ATM: variants seen among roughly 807,000 people sequenced by gnomAD.
The protein encoded by ATM is ATM serine/threonine kinase, also known as serine-protein kinase ATM.
In ATM, 308 loss-of-function variants were observed where a neutral mutation model predicts 387.0. The observed-to-expected ratio is 0.80, with a 90% CI of 0.73 to 0.87. ATM has a LOEUF of 0.87. Among genes scored for constraint, ATM ranks in the 40% least tolerant of loss-of-function variants. The pLI, the probability that ATM is intolerant of heterozygous loss-of-function variation, is 0.00. For missense variants in ATM, 3,312 were observed against 3,560.9 expected, an observed-to-expected ratio of 0.93 and a Z score of 1.78; for synonymous variants, 1,156 against 1,187.3, an observed-to-expected ratio of 0.97 and a Z score of 0.54.
chr11:108,229,378 G>GTTTTTT, intron 4 of ATM, 55 bp downstream of exon 4: 4 of 1,270,372 alleles, frequency 3.1e-6, no homozygotes, highest in Non-Finnish European at 4.3e-6. Flanking sequence ...TGTCGCGTGA[G>GTTTTTT]TTTTTTTTTT....
chr11:108,349,615 A>G (rs960602185), intron 59 of ATM, among the ~76,000 whole-genome samples: 2 of 152,164 alleles, frequency 1.3e-5, no homozygotes, highest in African/African-American at 4.8e-5. Context: ...GTGAGCTAAG[A>G]TCATGCCACT....
intron 32 of ATM, chr11:108,295,772 G>A (rs1166011952): frequency 6.6e-6 from 1 of 152,018 alleles, no homozygotes; most frequent in Non-Finnish European, 1.5e-5. Flanking sequence ...TCGTGCCTCA[G>A]CCTTCCTAGT....
At chr11:108,346,567 C>T (rs1194966058) in intron 58 of ATM, 1 of 151,848 alleles carries the variant, frequency 6.6e-6, no homozygotes, top group Non-Finnish European at 1.5e-5. Flanking sequence ...GAAGGCAGGG[C>T]ATGTATGTTT....
At chr11:108,333,236 G>T (rs4988127) in intron 53 of ATM, among the ~76,000 whole-genome samples, 1 of 151,920 alleles carries the variant, frequency 6.6e-6, no homozygotes. Context: ...TTTTTTAAAC[G>T]ATGTGGTTAC....
At chr11:108,308,852 T>G in intron 38 of ATM, 1 of 608,744 alleles carries the variant, frequency 1.6e-6, no homozygotes, top group Middle Eastern at 2.5e-4. Context: ...TTATTTTACC[T>G]TAGAGTTTTA....
At chr11:108,329,503 C>T (rs537861487) in intron 49 of ATM, among the ~76,000 whole-genome samples, 10 of 152,162 alleles carry the variant, frequency 6.6e-5, no homozygotes, top group African/African-American at 2.4e-4. Flanking sequence ...CAACCTCGAC[C>T]TCCTGGACTC....
chr11:108,360,106 A>C (rs1434976149), intron 61 of ATM, among the ~76,000 whole-genome samples: 1 of 151,600 alleles, frequency 6.6e-6, no homozygotes, highest in African/African-American at 2.4e-5. Context: ...AAAAATGATA[A>C]AGGGGATATC....
At chr11:108,295,749 T>C (rs1403725553) in intron 32 of ATM, 1 of 152,182 alleles carries the variant, frequency 6.6e-6, no homozygotes, top group African/African-American at 2.4e-5. Flanking sequence ...CTCCACCTCC[T>C]GAGCTCAGAT....
At chr11:108,259,341 T>C (rs2080719733) in intron 16 of ATM, among the ~76,000 whole-genome samples, 1 of 151,964 alleles carries the variant, frequency 6.6e-6, no homozygotes, top group Non-Finnish European at 1.5e-5. Flanking sequence ...TACTAAAAAT[T>C]AGCCAGGCGT....
At chr11:108,265,941 C>T (rs2081209423) in intron 16 of ATM, among the ~76,000 whole-genome samples, 1 of 149,700 alleles carries the variant, frequency 6.7e-6, no homozygotes, top group Non-Finnish European at 1.5e-5. Context: ...GAGATACCAT[C>T]TCACACCAGT....
intron 31 of ATM, 99 bp downstream of exon 31, chr11:108,293,576 TTTAA>T: frequency 9.0e-7 from 1 of 1,113,654 alleles, no homozygotes; most frequent in South Asian, 1.3e-5. Context: ...GAATCTTTTC[TTTAA>T]TTGTGATTAA....
rs1057521185 is a variant in ATM, at chr11:108,332,825, A to G, written c.7852A>G (p.Arg2618Gly). The change falls in exon 53 of 63, where the codon AGA becomes GGA. Residue 2618 changes from arginine to glycine, a missense_variant. Coordinates refer to ENST00000675843, the MANE Select transcript of ATM (RefSeq NM_000051.4). ...CAGAAGTAGGAGACCTCAGATGGTCAGAAGTGTTGAGGCACTTTGTGATGC... is the reference window on the plus strand; with the variant it reads ...CAGAAGTAGGAGACCTCAGATGGTCGGAAGTGTTGAGGCACTTTGTGATGC... ...TIRSRRPQMV[R>G]SVEALCDAYI... 1 of 1,613,356 alleles carries G rather than the reference A, an allele frequency of 6.2e-7. No homozygotes were observed. Among genetic ancestry groups the G allele is most frequent in the Non-Finnish European group, 8.5e-7 (1 of 1,179,586 alleles).
Position 108,272,605 on chromosome 11 carries a change from G to C in ATM, c.3151G>C (p.Glu1051Gln), listed in dbSNP as rs774935453. 2.5e-6 allele frequency: 4 copies of C among 1,613,650 alleles called. No individual in the cohort carries two copies. Among genetic ancestry groups the C allele is most frequent in the Non-Finnish European group, 3.4e-6 (4 of 1,179,654 alleles). Reference protein sequence around the residue: ...ALVNCLKTLLEADPYSKWAIL... With the variant: ...ALVNCLKTLLQADPYSKWAIL... ...AGTAAATTGCCTTAAAACTTTGCTT[G>C]AGGTGAGTTTTTGCATTTTTTTAGT... is the stretch of plus-strand genomic sequence containing the variant. The change falls in exon 21 of 63, where the codon GAG becomes CAG. Residue 1051 changes from glutamate to glutamine, a missense_variant and splice_region_variant. Physicochemically the swap from Glu to Gln is conservative, Grantham distance 29 (BLOSUM62 2). Coordinates refer to ENST00000675843, the MANE Select transcript of ATM (RefSeq NM_000051.4).
intron 22 of ATM, among the ~76,000 whole-genome samples, chr11:108,277,640 C>T (rs1384706233): frequency 6.6e-6 from 1 of 152,124 alleles, no homozygotes; most frequent in Non-Finnish European, 1.5e-5. Context: ...GGAGGGAGTT[C>T]CCCGACCCCT....
At chr11:108,341,723 G>T (rs2087606769) in intron 56 of ATM, among the ~76,000 whole-genome samples, 1 of 152,118 alleles carries the variant, frequency 6.6e-6, no homozygotes, top group Admixed American at 6.6e-5. Flanking sequence ...GGATTTATAT[G>T]AAGAATACAA....
Position 108,301,708 on chromosome 11 carries a change from A to G in ATM, c.5238A>G (p.Gly1746=). The G allele has an allele frequency of 1.9e-6, 3 of 1,613,800 alleles. No homozygotes were observed. Among genetic ancestry groups the G allele is most frequent in the Non-Finnish European group, 2.5e-6 (3 of 1,179,800 alleles). Residue 1746 remains glycine, a synonymous_variant, in exon 35 of 63, where the codon GGA becomes GGG. Coordinates refer to ENST00000675843, the MANE Select transcript of ATM (RefSeq NM_000051.4). ...AAAACATTTTAGCCACAAAGACTGG[A>G]CATAGTTTCTGGGAGATTTATAAGA... ...CLKNILATKT[G]HSFWEIYKMT... is the part of the protein sequence containing the mutation.
chr11:108,252,106 G>C, intron 11 of ATM, 75 bp downstream of exon 11: 1 of 1,293,982 alleles, frequency 7.7e-7, no homozygotes, highest in Non-Finnish European at 1.1e-6. Context: ...TTTGATGCCA[G>C]ATGGCTTTAT....
chr11:108,301,819 A>C (rs776842918), intron 35 of ATM, 30 bp downstream of exon 35: 5 of 1,608,608 alleles, frequency 3.1e-6, no homozygotes, highest in Admixed American at 1.7e-5. Context: ...TTTATTGAAT[A>C]CCCAGCATAT....
intron 6 of ATM, 74 bp from the exon 7 acceptor site, chr11:108,244,714 C>A: frequency 2.6e-6 from 3 of 1,140,574 alleles, no homozygotes; most frequent in South Asian, 1.3e-5. Flanking sequence ...TTCAGCATAC[C>A]ACTTCATAAC....
Sources: gnomAD v4.1 joint callset for allele counts (sites outside exome capture counted in the v4.1 genomes callset) on GRCh38, gnomAD v4.1.1 for gene constraint, MANE v1.5 for transcripts, NCBI Gene and HGNC (gene_info 2026-07-23, HGNC 2026-07-21) for gene names.